LRRIQ3: variants seen among roughly 807,000 people sequenced by gnomAD.
LRRIQ3 encodes leucine-rich repeat and IQ domain-containing protein 3.
Under a neutral mutation model 59.3 loss-of-function variants are expected in LRRIQ3, and 75 were observed. The observed-to-expected ratio is 1.26, with a 90% CI of 1.05 to 1.53. LRRIQ3 has a LOEUF of 1.53. LRRIQ3 is among the 40% of genes most tolerant of loss of function. The pLI is 0.00. For missense variants in LRRIQ3, 831 were observed against 710.0 expected, an observed-to-expected ratio of 1.17 and a Z score of -1.94; for synonymous variants, 250 against 231.3, an observed-to-expected ratio of 1.08 and a Z score of -0.73.
intron 3 of LRRIQ3, among the ~76,000 whole-genome samples, chr1:74,178,651 C>T (rs1649790350): frequency 6.6e-6 from 1 of 152,062 alleles, no homozygotes; most frequent in Admixed American, 6.6e-5. Context: ...CAAGAATCTT[C>T]CTTCTTTTTT....
chr1:74,037,302 C>A lies in LRRIQ3; in HGVS notation c.1718+3911G>T, dbSNP rs373089193. Among the ~76,000 whole-genome samples, 522 of 152,208 alleles carry A rather than the reference C, an allele frequency of 3.4e-3. 4 individuals are homozygous for A. The highest frequency in any genetic ancestry group is 0.012 in the African/African-American group (482 of 41,536). ...TCATCAAAAAGAACCATAACTGCCTCCAAATCCTGCACTGGCAACTGAGGT... is the reference window on the plus strand; with the variant it reads ...TCATCAAAAAGAACCATAACTGCCTACAAATCCTGCACTGGCAACTGAGGT... On this transcript the variant is annotated intron_variant, in intron 7 of 7. Coordinates refer to ENST00000354431, the MANE Select transcript of LRRIQ3 (RefSeq NM_001105659.2).
chr1:74,046,599 G>T (rs1432079004), intron 6 of LRRIQ3, among the ~76,000 whole-genome samples: 1 of 152,024 alleles, frequency 6.6e-6, no homozygotes. Context: ...TAGACAAATG[G>T]GATCTGATTA....
chr1:74,098,473 C>T (rs1266951079), intron 5 of LRRIQ3, among the ~76,000 whole-genome samples: 1 of 152,140 alleles, frequency 6.6e-6, no homozygotes, highest in African/African-American at 2.4e-5. Flanking sequence ...TAACTCCCCA[C>T]TGTCAACATT....
At chr1:74,113,807 A>G (rs1311158046) in intron 4 of LRRIQ3, among the ~76,000 whole-genome samples, 3 of 152,082 alleles carry the variant, frequency 2.0e-5, no homozygotes, top group African/African-American at 7.2e-5. Flanking sequence ...GCTGAAGTCA[A>G]GAGACCTCCA....
intron 4 of LRRIQ3, among the ~76,000 whole-genome samples, chr1:74,125,966 T>C (rs1047161699): frequency 6.6e-6 from 1 of 151,870 alleles, no homozygotes; most frequent in Non-Finnish European, 1.5e-5. Context: ...AACTCATCAG[T>C]GAAGCCATCA....
rs1202921976 is a variant in LRRIQ3 at position 74,133,361 on chromosome 1, G to A, written c.707+22372C>T. The stretch of plus-strand genomic sequence containing the variant: ...ATTTGACCCAGCCATCCCATTACTG[G>A]GTATATACCCAAAGGATTATAAATC... On this transcript the variant is annotated intron_variant, in intron 4 of 7. Coordinates refer to ENST00000354431, the MANE Select transcript of LRRIQ3 (RefSeq NM_001105659.2). Among the ~76,000 whole-genome samples the A allele has an allele frequency of 9.9e-5, 15 of 151,990 alleles. No individual in the cohort carries two copies. The East Asian group carries it at 2.9e-3, about 29-fold the overall frequency.
chr1:74,113,202 T>A (rs1303374889), intron 4 of LRRIQ3, among the ~76,000 whole-genome samples: 2 of 151,384 alleles, frequency 1.3e-5, no homozygotes. Flanking sequence ...AACAAAAAAA[T>A]TTTACTATGG....
In LRRIQ3 at chr1:74,164,976, T is replaced by G. The variant is rs541579542; in HGVS notation, c.574-9110A>C. 2.0e-5 allele frequency among the ~76,000 whole-genome samples: 3 copies of G among 151,688 alleles called. No homozygotes were observed. In the East Asian group the frequency reaches 5.8e-4, roughly 29 times the overall value. On this transcript the variant is annotated intron_variant, in intron 3 of 7. Transcript: ENST00000354431. ...TTTGCCAAAATTCATTTGGACATAT[T>G]GCATGAACCTATTTTTAGGTTTTAT... is the stretch of plus-strand genomic sequence containing the variant.
chr1:74,029,082 T>C (rs1653611512), intron 7 of LRRIQ3, among the ~76,000 whole-genome samples: 2 of 152,168 alleles, frequency 1.3e-5, no homozygotes, highest in African/African-American at 4.8e-5. Context: ...GAGACTTTGC[T>C]GAAGTTGCTT....
At chr1:74,169,439 G>C in intron 3 of LRRIQ3, among the ~76,000 whole-genome samples, 1 of 152,154 alleles carries the variant, frequency 6.6e-6, no homozygotes, top group East Asian at 1.9e-4. Flanking sequence ...AAGTAGAAAT[G>C]CTGGATCATA....
intron 5 of LRRIQ3, among the ~76,000 whole-genome samples, chr1:74,106,016 T>A (rs758289515): frequency 9.2e-5 from 14 of 151,826 alleles, no homozygotes; most frequent in East Asian, 5.8e-4. Context: ...TTCAGAGAGG[T>A]TGTATATGGT....
chr1:74,129,697 C>T (rs1455237434), intron 4 of LRRIQ3, among the ~76,000 whole-genome samples: 1 of 152,036 alleles, frequency 6.6e-6, no homozygotes, highest in Non-Finnish European at 1.5e-5. Context: ...AGGGTCACAT[C>T]TGAAGCCAGT....
intron 5 of LRRIQ3, among the ~76,000 whole-genome samples, chr1:74,076,831 C>A (rs927168405): frequency 6.6e-6 from 1 of 151,916 alleles, no homozygotes; most frequent in African/African-American, 2.4e-5. Flanking sequence ...TTTTATTTTT[C>A]ATTTAAAAAT....
At chr1:74,190,745 G>GT (rs1227248406) in intron 1 of LRRIQ3, among the ~76,000 whole-genome samples, 2 of 151,150 alleles carry the variant, frequency 1.3e-5, no homozygotes, top group South Asian at 2.1e-4. Flanking sequence ...AAAATCAAAG[G>GT]TAAAAAAAAA....
At chr1:74,072,490 C>CATAT (rs890444866) in intron 6 of LRRIQ3, among the ~76,000 whole-genome samples, 1 of 149,910 alleles carries the variant, frequency 6.7e-6, no homozygotes, top group Non-Finnish European at 1.5e-5. Context: ...CTTTTGTGCT[C>CATAT]ATATATATAT....
chr1:74,131,448 C>A (rs909902004), intron 4 of LRRIQ3, among the ~76,000 whole-genome samples: 1 of 152,104 alleles, frequency 6.6e-6, no homozygotes, highest in African/African-American at 2.4e-5. Context: ...ACCAATATCC[C>A]TGATGAACAT....
chr1:74,114,436 A>G (rs1646749797), intron 4 of LRRIQ3, among the ~76,000 whole-genome samples: 1 of 152,054 alleles, frequency 6.6e-6, no homozygotes, highest in Admixed American at 6.6e-5. Context: ...GATAAGTTAA[A>G]GTGTATATTG....
At chr1:74,139,056 G>GTATA (rs561362591) in intron 4 of LRRIQ3, among the ~76,000 whole-genome samples, 13 of 144,344 alleles carry the variant, frequency 9.0e-5, no homozygotes, top group South Asian at 2.2e-4. Context: ...GTATTTATGT[G>GTATA]TATATATATA....
chr1:74,031,549 G>T (rs943297464), intron 7 of LRRIQ3, among the ~76,000 whole-genome samples: 41 of 151,296 alleles, frequency 2.7e-4, no homozygotes, highest in Admixed American at 2.2e-3. Context: ...ACTCATAGGT[G>T]GGAATTGAAC....
Sources: gnomAD v4.1 joint callset for allele counts (sites outside exome capture counted in the v4.1 genomes callset) on GRCh38, gnomAD v4.1.1 for gene constraint, MANE v1.5 for transcripts, NCBI Gene and HGNC (gene_info 2026-07-23, HGNC 2026-07-21) for gene names.